Variants in GRK4 observed in about 807,000 individuals in gnomAD.
GRK4 encodes the protein G protein-coupled receptor kinase 4, also known as G protein-coupled receptor kinase 2-like.
In GRK4, 73 loss-of-function variants were observed where a neutral mutation model predicts 77.9. The ratio of observed to expected loss-of-function variants is 0.94; its 90% confidence interval spans 0.78 to 1.14. The LOEUF (loss-of-function observed/expected upper bound fraction) is 1.14. GRK4 is among the 50% of genes most tolerant of loss of function. GRK4 has a pLI of 0.00. For synonymous variants in GRK4, 257 were observed against 254.4 expected (o/e 1.01, Z -0.10); for missense variants, 729 against 700.2 (o/e 1.04, Z -0.46).
At chr4:3,009,499 G>A in intron 6 of GRK4, 149 bp from the exon 7 acceptor site, 1 of 557,946 alleles carries the variant, frequency 1.8e-6, no homozygotes, top group Non-Finnish European at 3.2e-6. Context: ...GGGAGCCACA[G>A]TCCCTGAGCA....
chr4:3,001,324 TATAC>T (rs1256342709), intron 4 of GRK4, among the ~76,000 whole-genome samples: 30 of 137,066 alleles, frequency 2.2e-4, no homozygotes, highest in Admixed American at 7.3e-5. Context: ...TGTGAGTACA[TATAC>T]ACACACACAC....
At chr4:2,965,335 A>C (rs148108008) in intron 1 of GRK4, 3 of 702,900 alleles carry the variant, frequency 4.3e-6, no homozygotes, top group African/African-American at 3.5e-5. Flanking sequence ...CTCGGACCTC[A>C]TGTCTCCCTT....
At chr4:2,978,554 A>C (rs1401161647) in intron 1 of GRK4, among the ~76,000 whole-genome samples, 1 of 152,320 alleles carries the variant, frequency 6.6e-6, no homozygotes. Flanking sequence ...CTGGTTCCAG[A>C]GGCTCAAAAT....
chr4:3,002,473 G>A (rs1007799414), intron 4 of GRK4, among the ~76,000 whole-genome samples: 6 of 152,188 alleles, frequency 3.9e-5, no homozygotes, highest in Non-Finnish European at 1.5e-5. Context: ...GTGCAGCTGG[G>A]CACAGTGGCT....
chr4:3,019,486 C>T (rs149540498), intron 8 of GRK4, among the ~76,000 whole-genome samples, 155 bp from the exon 9 acceptor site: 5 of 152,152 alleles, frequency 3.3e-5, no homozygotes, highest in South Asian at 2.1e-4. Flanking sequence ...CCAAGAGGCA[C>T]GTGATATGTC....
intron 15 of GRK4, 56 bp from the exon 16 acceptor site, chr4:3,040,516 G>A (rs1742108860): frequency 6.7e-7 from 1 of 1,485,352 alleles, no homozygotes; most frequent in Non-Finnish European, 9.2e-7. Flanking sequence ...CTGCACTTAA[G>A]GAAAGTGAAA....
chr4:3,007,892 A>G, intron 6 of GRK4, 64 bp downstream of exon 6: 1 of 1,079,990 alleles, frequency 9.3e-7, no homozygotes, highest in Non-Finnish European at 1.4e-6. Context: ...AGTCCCAGCT[A>G]CTCAGGAGGC....
rs147015184 is a variant in GRK4 at position 2,964,199 on chromosome 4, A to G, written c.52+77A>G. 1.1e-3 allele frequency: 1,197 copies of G among 1,059,226 alleles called. 36 individuals are homozygous for G. The East Asian group carries it at 0.049, about 44-fold the overall frequency. 65.6% of individuals were successfully genotyped at this position (1,059,226 alleles called of 1,614,324 possible). Reference sequence around the variant, plus strand: ...CGGGGAACCCTGGCCCCCCTGAAGGAACCCGACATCCCCGGAGAACCCCGA... The same window carrying G: ...CGGGGAACCCTGGCCCCCCTGAAGGGACCCGACATCCCCGGAGAACCCCGA... On this transcript the variant is annotated intron_variant, in intron 1 of 15. Coordinates refer to ENST00000398052, the MANE Select transcript of GRK4 (RefSeq NM_182982.3).
chr4:3,028,614 A>G (rs1205137452), intron 11 of GRK4, among the ~76,000 whole-genome samples: 2 of 152,182 alleles, frequency 1.3e-5, no homozygotes, highest in African/African-American at 4.8e-5. Flanking sequence ...CTCTGTGGCA[A>G]TTCAGCTCAT....
At chr4:3,011,673 C>G (rs912294916) in intron 7 of GRK4, among the ~76,000 whole-genome samples, 2 of 152,196 alleles carry the variant, frequency 1.3e-5, no homozygotes, top group Admixed American at 1.3e-4. Flanking sequence ...TGCCCTCATG[C>G]GGGGACAGCC....
chr4:2,991,430 C>T (rs564037490), intron 3 of GRK4, among the ~76,000 whole-genome samples: 6 of 152,304 alleles, frequency 3.9e-5, no homozygotes, highest in African/African-American at 1.2e-4. Context: ...GTTGGCATAT[C>T]GAAGGACCAT....
intron 2 of GRK4, among the ~76,000 whole-genome samples, chr4:2,985,551 T>C (rs767431503): frequency 2.0e-5 from 3 of 150,720 alleles, no homozygotes; most frequent in Non-Finnish European, 4.4e-5. Context: ...GAAAAAAAAT[T>C]AATGAGGGAA....
chr4:3,035,415 G>A lies in GRK4; in HGVS notation c.1299G>A (p.Leu433=). Residue 433 remains leucine (L), a synonymous_variant, in exon 13 of 16, where the codon CTG becomes CTA. Coordinates refer to ENST00000398052, the MANE Select transcript of GRK4 (RefSeq NM_182982.3). The part of the protein sequence containing the change: ...MLLTKNPSKR[L]GCRGEGAAGV... ...TCACCAAGAATCCAAGCAAGCGGCT[G>A]GGCTGCAGGGGCGAGGGAGCGGCTG... 2 of 1,613,898 alleles carry A rather than the reference G, an allele frequency of 1.2e-6. No homozygotes were observed. Among genetic ancestry groups the A allele is most frequent in the Non-Finnish European group, 8.5e-7 (1 of 1,179,940 alleles).
intron 4 of GRK4, among the ~76,000 whole-genome samples, chr4:2,999,829 A>G (rs772776173): frequency 2.6e-5 from 4 of 152,244 alleles, no homozygotes; most frequent in African/African-American, 9.6e-5. Flanking sequence ...AACACTATCA[A>G]GAAGTGAAAA....
At chr4:2,984,460 A>G in intron 1 of GRK4, 53 bp from the exon 2 acceptor site, 1 of 972,408 alleles carries the variant, frequency 1.0e-6, no homozygotes, top group Non-Finnish European at 1.7e-6. Context: ...TAGTTGTTAT[A>G]ATTGGATATT....
intron 14 of GRK4, among the ~76,000 whole-genome samples, chr4:3,038,052 G>T (rs1263677881): frequency 6.6e-6 from 1 of 152,198 alleles, no homozygotes; most frequent in Non-Finnish European, 1.5e-5. Flanking sequence ...GTGGACAGGA[G>T]GTAGCTATTT....
chr4:3,024,759 G>A (rs1052118646), intron 10 of GRK4, among the ~76,000 whole-genome samples: 1 of 151,918 alleles, frequency 6.6e-6, no homozygotes, highest in Non-Finnish European at 1.5e-5. Flanking sequence ...TCAGGAGGCC[G>A]AGGCAGGAGA....
In GRK4 at chr4:3,037,397, C is replaced by G. The variant is rs550248487; in HGVS notation, c.1431C>G (p.Asp477Glu). 2.5e-6 allele frequency: 4 copies of G among 1,606,988 alleles called. No homozygotes were observed. The highest frequency in any genetic ancestry group is 2.2e-5 in the East Asian group (1 of 44,732). The change falls in exon 14 of 16, where the codon GAC becomes GAG. Residue 477 changes from aspartate to glutamate, a missense_variant. Transcript: ENST00000398052. ...AGCCTCATGCCGTTTACTGTAAGGACGTCCTGGATATCGAGCAGTTCTCGG... is the reference window on the plus strand; with the variant it reads ...AGCCTCATGCCGTTTACTGTAAGGAGGTCCTGGATATCGAGCAGTTCTCGG... The part of the protein sequence containing the change: ...CPDPHAVYCK[D>E]VLDIEQFSVV...
At chr4:2,972,833 C>G (rs1357305097) in intron 1 of GRK4, among the ~76,000 whole-genome samples, 1 of 152,166 alleles carries the variant, frequency 6.6e-6, no homozygotes, top group Non-Finnish European at 1.5e-5. Context: ...CTCCCGGGCT[C>G]AAGCAGCTCT....
Sources: gnomAD v4.1 joint callset for allele counts (sites outside exome capture counted in the v4.1 genomes callset) on GRCh38, gnomAD v4.1.1 for gene constraint, MANE v1.5 for transcripts, NCBI Gene and HGNC (gene_info 2026-07-23, HGNC 2026-07-21) for gene names.